VPS13D: variants seen among roughly 807,000 people sequenced by gnomAD.
VPS13D encodes vacuolar protein sorting 13 homolog D.
A neutral mutation model predicts 461.9 loss-of-function variants in VPS13D; 187 were observed. That is an observed-to-expected ratio of 0.40 (90% CI 0.36 to 0.46). The LOEUF (loss-of-function observed/expected upper bound fraction) is 0.46. Among genes scored for constraint, VPS13D ranks in the 20% least tolerant of loss-of-function variants. VPS13D has a pLI of 0.60. For missense variants in VPS13D, 4,711 were observed against 5,364.9 expected (o/e 0.88, Z 3.81); for synonymous variants, 1,951 against 1,986.3 (o/e 0.98, Z 0.47).
chr1:12,311,617 A>G lies in VPS13D; in HGVS notation c.6814A>G (p.Arg2272Gly), dbSNP rs142158530. 1.9e-6 allele frequency: 3 copies of G among 1,613,972 alleles called. No homozygotes were observed. Among genetic ancestry groups the G allele is most frequent in the African/African-American group, 1.3e-5 (1 of 74,934 alleles). Residue 2272 changes from arginine to glycine, a missense_variant, in exon 28 of 70, where the codon AGA (arginine) becomes GGA (glycine). Arg to Gly is a moderately radical substitution (Grantham distance 125, BLOSUM62 -2). Transcript: ENST00000620676. ...GCGGCCTTATGATTTACAAGATCCA[A>G]GAATTCATGTGAGTGAGACCTTATG... ...FMRPYDLQDPRIHTVLSGEVY... is the reference protein window; with the variant it reads ...FMRPYDLQDPGIHTVLSGEVY...
intron 6 of VPS13D, chr1:12,249,626 C>G (rs1230286214): frequency 2.8e-5 from 6 of 210,822 alleles, no homozygotes; most frequent in Admixed American, 1.2e-4. Flanking sequence ...ATGTACACTC[C>G]CTGGGTAAAC....
intron 28 of VPS13D, 42 bp from the exon 29 acceptor site, chr1:12,311,770 TG>T: frequency 1.9e-6 from 3 of 1,593,442 alleles, no homozygotes; most frequent in Non-Finnish European, 2.6e-6. Flanking sequence ...GTTTTTAGGA[TG>T]GCATCATCAG....
chr1:12,330,019 G>T, intron 37 of VPS13D, 101 bp downstream of exon 37: 3 of 618,918 alleles, frequency 4.8e-6, no homozygotes, highest in Non-Finnish European at 5.5e-6. Context: ...AAGGGCAGGG[G>T]TGGGGTGGGA....
rs1382027134 is a variant in VPS13D at position 12,473,468 on chromosome 1, G to A, written c.12662+13072G>A. Among the ~76,000 whole-genome samples the A allele has an allele frequency of 6.6e-6, 1 of 152,226 alleles. No homozygotes were observed. Among genetic ancestry groups the A allele is most frequent in the Non-Finnish European group, 1.5e-5 (1 of 68,044 alleles). ...GGGAGTCGGTTGGCCCTGGGTTTGAGTCATTGGGCTGCTGCTTGGCTGTGA... is the reference window on the plus strand; with the variant it reads ...GGGAGTCGGTTGGCCCTGGGTTTGAATCATTGGGCTGCTGCTTGGCTGTGA... On this transcript the variant is annotated intron_variant, in intron 67 of 69. Coordinates refer to ENST00000620676, the MANE Select transcript of VPS13D (RefSeq NM_015378.4). The surrounding 1 kb of genome is among the most constrained non-coding windows in gnomAD (Gnocchi z 4.2).
intron 41 of VPS13D, 47 bp downstream of exon 41, chr1:12,341,932 C>A: frequency 6.3e-7 from 1 of 1,585,654 alleles, no homozygotes; most frequent in Non-Finnish European, 8.6e-7. Flanking sequence ...GCCACCAAAG[C>A]CTTCTTGTGC....
Position 12,249,336 on chromosome 1 carries a change from G to A in VPS13D, c.561G>A (p.Glu187=). ...TGTCCATGCAAAATGCTGTGAATGA[G>A]CCTGTGAGTATGAAATGTGATGACA... The part of the protein sequence containing the change: ...KNVSMQNAVN[E]PVQKLMRKKQ... The change falls in exon 6 of 70, where the codon GAG becomes GAA. Residue 187 remains glutamate (E), a synonymous_variant. Transcript: ENST00000620676. The A allele has an allele frequency of 6.2e-7, 1 of 1,610,542 alleles. No homozygotes were observed. Among genetic ancestry groups the A allele is most frequent in the Non-Finnish European group, 8.5e-7 (1 of 1,178,102 alleles).
chr1:12,489,153 C>G (rs533567202), intron 67 of VPS13D, among the ~76,000 whole-genome samples: 4 of 152,274 alleles, frequency 2.6e-5, no homozygotes, highest in African/African-American at 9.6e-5. Flanking sequence ...AACAGGTAGT[C>G]TCGCCCCTGA....
intron 67 of VPS13D, 84 bp downstream of exon 67, chr1:12,460,480 TG>T: frequency 8.0e-7 from 1 of 1,256,480 alleles, no homozygotes; most frequent in Non-Finnish European, 1.0e-6. Context: ...TGTTTAATTG[TG>T]CACTTTCTTA....
intron 65 of VPS13D, among the ~76,000 whole-genome samples, chr1:12,422,977 C>G (rs1188608487): frequency 1.3e-5 from 2 of 151,668 alleles, no homozygotes; most frequent in Non-Finnish European, 2.9e-5. Context: ...TTTGATGTCA[C>G]TGTGTAGCTG....
At chr1:12,331,735 A>G (rs1480380728) in intron 37 of VPS13D, among the ~76,000 whole-genome samples, 2 of 150,426 alleles carry the variant, frequency 1.3e-5, no homozygotes, top group Non-Finnish European at 3.0e-5. Flanking sequence ...AAAAAAAAAA[A>G]GAATAATGGC....
chr1:12,314,273 C>T lies in VPS13D; in HGVS notation c.7094C>T (p.Pro2365Leu). 1 of 1,614,154 alleles carries T rather than the reference C, an allele frequency of 6.2e-7. No individual in the cohort carries two copies. Among genetic ancestry groups the T allele is most frequent in the South Asian group, 1.1e-5 (1 of 91,086 alleles). Residue 2365 changes from proline (P) to leucine (L), a missense_variant, in exon 30 of 70, where the codon CCC (proline) becomes CTC (leucine). Pro to Leu is a moderately conservative substitution (Grantham distance 98, BLOSUM62 -3). Around this residue, in one of 3 missense-constraint regions of VPS13D, gnomAD observed 4,411 missense variants for 4,937.8 expected, o/e 0.89. Transcript: ENST00000620676. ...AATGTGTTCAGCTGTATCTTTCAGC[C>T]CGCTAAGAACAGCAGCACCACCCAA... ...MTNVFSCIFQ[P>L]AKNSSTTQGS...
At chr1:12,445,365 A>G (rs1645179687) in intron 65 of VPS13D, among the ~76,000 whole-genome samples, 1 of 152,206 alleles carries the variant, frequency 6.6e-6, no homozygotes, top group South Asian at 2.1e-4. Flanking sequence ...CCGTGTAGCC[A>G]CCTTTGGAAA....
intron 13 of VPS13D, among the ~76,000 whole-genome samples, chr1:12,265,271 A>G (rs1641233479): frequency 6.6e-6 from 1 of 152,116 alleles, no homozygotes; most frequent in African/African-American, 2.4e-5. Flanking sequence ...TCCAGGAGTA[A>G]TTTCAACATT....
intron 26 of VPS13D, 43 bp from the exon 27 acceptor site, chr1:12,308,388 G>T: frequency 6.3e-7 from 1 of 1,599,854 alleles, no homozygotes; most frequent in Admixed American, 1.7e-5. Context: ...CCCTTTTTGG[G>T]TCCCCTTTTC....
chr1:12,340,309 T>A (rs541345425), intron 40 of VPS13D, among the ~76,000 whole-genome samples: 1 of 152,294 alleles, frequency 6.6e-6, no homozygotes, highest in Admixed American at 6.5e-5. Flanking sequence ...ACCACAAAAT[T>A]GTGGGAATAC....
intron 65 of VPS13D, among the ~76,000 whole-genome samples, chr1:12,455,387 TC>T (rs1280404915): frequency 1.3e-5 from 2 of 152,246 alleles, no homozygotes; most frequent in African/African-American, 4.8e-5. Context: ...CATGATACAG[TC>T]CTGAAGCTCA....
intron 67 of VPS13D, among the ~76,000 whole-genome samples, chr1:12,490,976 A>G (rs1252694764): frequency 6.6e-6 from 1 of 152,202 alleles, no homozygotes; most frequent in Non-Finnish European, 1.5e-5. Flanking sequence ...ATTTAGACAG[A>G]CTGCGGGGTT....
At chr1:12,341,362 A>G (rs1643564095) in intron 40 of VPS13D, among the ~76,000 whole-genome samples, 1 of 152,190 alleles carries the variant, frequency 6.6e-6, no homozygotes, top group African/African-American at 2.4e-5. Flanking sequence ...TAACTTATGT[A>G]AAGGGAGACT....
intron 67 of VPS13D, among the ~76,000 whole-genome samples, chr1:12,465,537 G>A (rs1229600613): frequency 6.6e-6 from 1 of 152,198 alleles, no homozygotes; most frequent in Non-Finnish European, 1.5e-5. Context: ...TGTGCACGTA[G>A]ATGTAAATTC....
Sources: allele counts gnomAD v4.1 joint callset (sites outside exome capture counted in the v4.1 genomes callset), GRCh38; gene constraint gnomAD v4.1.1; regional missense constraint gnomAD v4.1.1; non-coding constraint Gnocchi (gnomAD v3.1); transcripts MANE v1.5; gene names NCBI Gene and HGNC (gene_info 2026-07-23, HGNC 2026-07-21).